Variants in NFILZ observed in about 807,000 individuals in gnomAD.
NFILZ encodes NFIL3 like basic leucine zipper, also known as NFIL3 like protein.
chr19:8,666,749 T>G (rs1384400961), intron 3 of NFILZ, among the ~76,000 whole-genome samples: 1 of 151,752 alleles, frequency 6.6e-6, no homozygotes, highest in Non-Finnish European at 1.5e-5. Flanking sequence ...TCTCTCCTTT[T>G]TTGAGACAGA....
chr19:8,651,956 G>A (rs556749669), intron 3 of NFILZ, among the ~76,000 whole-genome samples: 2 of 152,238 alleles, frequency 1.3e-5, no homozygotes, highest in Admixed American at 1.3e-4. Context: ...GTTTGGAATG[G>A]CTTGAGTGTC....
intron 3 of NFILZ, among the ~76,000 whole-genome samples, chr19:8,655,478 G>A (rs569185250): frequency 9.9e-5 from 15 of 152,280 alleles, no homozygotes; most frequent in African/African-American, 3.6e-4. Context: ...ACCAGGTGCG[G>A]GGACACCCCT....
At chr19:8,649,184 T>G (rs1555747485) in intron 3 of NFILZ, among the ~76,000 whole-genome samples, 1 of 151,956 alleles carries the variant, frequency 6.6e-6, no homozygotes. Flanking sequence ...CAGGCTGGTC[T>G]TGAACTCCTG....
intron 3 of NFILZ, among the ~76,000 whole-genome samples, chr19:8,658,753 C>T (rs1014649493): frequency 4.6e-5 from 7 of 152,098 alleles, no homozygotes; most frequent in Admixed American, 1.3e-4. Context: ...GGATATACCA[C>T]GAGGAAGAAA....
At chr19:8,654,281 A>G (rs2967714) in intron 3 of NFILZ, among the ~76,000 whole-genome samples, 35,420 of 148,932 alleles carry the variant, frequency 0.24, 4,591 homozygotes, top group Middle Eastern at 0.38. Context: ...AAAACCAAAA[A>G]CCAAAAACAA....
chr19:8,641,245 T>C (rs1414273068), intron 3 of NFILZ, among the ~76,000 whole-genome samples: 1 of 150,846 alleles, frequency 6.6e-6, no homozygotes, highest in South Asian at 2.1e-4. Flanking sequence ...AGAGATGGGG[T>C]CTCCTTATGT....
chr19:8,630,892 A>C (rs181981806), intron 1 of NFILZ, 148 bp downstream of exon 1: 1 of 152,362 alleles, frequency 6.6e-6, no homozygotes, highest in East Asian at 1.9e-4. Flanking sequence ...CCTGCAGCTT[A>C]ACTACCTCCA....
intron 2 of NFILZ, among the ~76,000 whole-genome samples, chr19:8,634,085 C>T (rs1266565152): frequency 1.3e-5 from 2 of 151,860 alleles, no homozygotes; most frequent in East Asian, 1.9e-4. Context: ...GCAACCTCCA[C>T]CTGCCAGGTT....
chr19:8,658,677 ATTCATTC>A (rs2043015969), intron 3 of NFILZ, among the ~76,000 whole-genome samples: 1 of 150,734 alleles, frequency 6.6e-6, no homozygotes, highest in African/African-American at 2.5e-5. Context: ...TCATTCATTC[ATTCATTC>A]ATTCATTCAT....
chr19:8,666,046 T>C (rs2146167035), intron 3 of NFILZ, among the ~76,000 whole-genome samples: 1 of 123,904 alleles, frequency 8.1e-6, no homozygotes, highest in East Asian at 2.0e-4. Context: ...TTTTCTCACC[T>C]TTTTTTTTTT....
At chr19:8,658,066 G>A (rs1481835215) in intron 3 of NFILZ, among the ~76,000 whole-genome samples, 1 of 152,186 alleles carries the variant, frequency 6.6e-6, no homozygotes, top group Non-Finnish European at 1.5e-5. Context: ...TATCTGGCAG[G>A]AGCATTCCAG....
chr19:8,647,993 A>C lies in NFILZ; in HGVS notation c.-164+12247A>C, dbSNP rs9917020. Among the ~76,000 whole-genome samples the C allele has an allele frequency of 8.3e-3, 1,253 of 151,746 alleles. 17 individuals are homozygous for C. The highest frequency in any genetic ancestry group is 0.029 in the African/African-American group (1,200 of 41,360). ...CAAGACCATCCTGGCTAACACGGTG[A>C]AACCCCGTCTCTACTAAAAATACAA... is the stretch of plus-strand genomic sequence containing the variant. On this transcript the variant is annotated intron_variant, in intron 3 of 5. Transcript: ENST00000691075.
chr19:8,645,039 C>T (rs2042933353), intron 3 of NFILZ, among the ~76,000 whole-genome samples: 1 of 150,856 alleles, frequency 6.6e-6, no homozygotes, highest in African/African-American at 2.4e-5. Flanking sequence ...CTCAGCCTCC[C>T]AAAGTGCTGG....
At chr19:8,665,363 T>A (rs2043057248) in intron 3 of NFILZ, among the ~76,000 whole-genome samples, 1 of 152,060 alleles carries the variant, frequency 6.6e-6, no homozygotes, top group Non-Finnish European at 1.5e-5. Flanking sequence ...TCTACGTGGC[T>A]GGAGTGGTGT....
At chr19:8,663,560 G>A (rs947139226) in intron 3 of NFILZ, among the ~76,000 whole-genome samples, 2 of 151,816 alleles carry the variant, frequency 1.3e-5, no homozygotes, top group Non-Finnish European at 2.9e-5. Flanking sequence ...CGCTGGTGGT[G>A]AGGCACATCA....
In NFILZ at chr19:8,663,750, G is replaced by GTGTATGTGTGTGTGTATGTGTGTA. The variant is rs1555749458; in HGVS notation, c.-163-10798_-163-10797insATGTGTGTGTGTATGTGTGTATGT. Among the ~76,000 whole-genome samples the GTGTATGTGTGTGTGTATGTGTGTA allele has an allele frequency of 5.0e-3, 686 of 137,056 alleles. 8 individuals are homozygous for GTGTATGTGTGTGTGTATGTGTGTA. Among genetic ancestry groups the GTGTATGTGTGTGTGTATGTGTGTA allele is most frequent in the African/African-American group, 0.018 (658 of 36,518 alleles). The allele number at this position is 137,056 out of a possible 152,430, so 89.9% of individuals were successfully genotyped here. A position where few individuals can be genotyped will look rare whatever the true frequency, so the allele number is the denominator to read the frequency against. On this transcript the variant is annotated intron_variant, in intron 3 of 5. Transcript: ENST00000691075. ...TGTGTGTGTGTGTGTGTGTGTGTGTGTGTGTGTGTGTGTGTGTGTGTATGT... is the reference window on the plus strand; with the variant it reads ...TGTGTGTGTGTGTGTGTGTGTGTGTGTGTATGTGTGTGTGTATGTGTGTATGTGTGTGTGTGTGTGTGTGTATGT...
intron 3 of NFILZ, among the ~76,000 whole-genome samples, chr19:8,646,031 A>AT (rs201085211): frequency 0.012 from 1,780 of 150,806 alleles, 38 homozygotes; most frequent in African/African-American, 0.042. Context: ...CCAGACCCTT[A>AT]TTTTTTTTTC....
At chr19:8,658,739 G>A (rs2043016313) in intron 3 of NFILZ, among the ~76,000 whole-genome samples, 1 of 152,148 alleles carries the variant, frequency 6.6e-6, no homozygotes, top group African/African-American at 2.4e-5. Flanking sequence ...AGCCCCCACA[G>A]TGAGGATATA....
intron 3 of NFILZ, among the ~76,000 whole-genome samples, chr19:8,658,883 G>C (rs1323177687): frequency 6.6e-6 from 1 of 152,096 alleles, no homozygotes; most frequent in Non-Finnish European, 1.5e-5. Flanking sequence ...CCAGGAGGTC[G>C]AGGCTGCAGT....
Sources: gnomAD v4.1 joint callset for allele counts (sites outside exome capture counted in the v4.1 genomes callset) on GRCh38, gnomAD v4.1.1 for gene constraint, MANE v1.5 for transcripts, NCBI Gene and HGNC (gene_info 2026-07-23, HGNC 2026-07-21) for gene names.